NPHP4: variants seen among roughly 807,000 people sequenced by gnomAD.
The protein encoded by NPHP4 is nephrocystin-4.
A neutral mutation model predicts 155.8 loss-of-function variants in NPHP4; 151 were observed. That is an observed-to-expected ratio of 0.97 (90% CI 0.85 to 1.11). NPHP4 has a LOEUF of 1.11. NPHP4 is among the 50% of genes least tolerant of loss of function. NPHP4 has a pLI of 0.00. For missense variants in NPHP4, 1,956 were observed against 1,925.7 expected, an observed-to-expected ratio of 1.02 and a Z score of -0.29; for synonymous variants, 845 against 816.8, an observed-to-expected ratio of 1.03 and a Z score of -0.59.
At chr1:5,987,114 T>TG (rs1557898276) in intron 1 of NPHP4, among the ~76,000 whole-genome samples, 3 of 151,992 alleles carry the variant, frequency 2.0e-5, no homozygotes, top group Non-Finnish European at 4.4e-5. Context: ...TTCAGCTACA[T>TG]GAACAAAGTC....
chr1:5,920,301 TCCTCCCACCTCAG>T (rs1645677706), intron 11 of NPHP4, among the ~76,000 whole-genome samples: 1 of 152,054 alleles, frequency 6.6e-6, no homozygotes, highest in Non-Finnish European at 1.5e-5. Flanking sequence ...CTTCAAGCCA[TCCTCCCACCTCAG>T]CCTCCCAACA....
chr1:5,863,294 C>T lies in NPHP4; in HGVS notation c.4252G>A (p.Ala1418Thr), dbSNP rs1640823340. The change falls in exon 30 of 30, where the codon GCA (alanine) becomes ACA (threonine). Residue 1418 changes from alanine to threonine, a missense_variant. Physicochemically the swap from Ala to Thr is moderately conservative, Grantham distance 58 (BLOSUM62 0). Transcript: ENST00000378156. The part of the protein sequence containing the change: ...INDHEDKNEE[A>T]FCVKVIYQ ...TGGTAGATGACCTTCACGCAAAATG[C>T]CTCTTCGTTTTTGTCCTCATGGTCA... 1 of 1,613,932 alleles carries T rather than the reference C, an allele frequency of 6.2e-7. No homozygotes were observed. The highest frequency in any genetic ancestry group is 1.3e-5 in the African/African-American group (1 of 74,940).
intron 1 of NPHP4, among the ~76,000 whole-genome samples, chr1:5,989,226 C>T (rs775856009): frequency 5.1e-4 from 77 of 152,254 alleles, no homozygotes; most frequent in Non-Finnish European, 6.5e-4. Flanking sequence ...ACAGGGAGAG[C>T]CGACTTTGGA....
At chr1:5,975,137 C>A (rs1653305400) in intron 3 of NPHP4, among the ~76,000 whole-genome samples, 2 of 152,330 alleles carry the variant, frequency 1.3e-5, no homozygotes, top group African/African-American at 4.8e-5. Context: ...AATGCCCACT[C>A]CTGGGAGCAC....
At chr1:5,920,775 T>C (rs1251182168) in intron 11 of NPHP4, among the ~76,000 whole-genome samples, 2 of 152,244 alleles carry the variant, frequency 1.3e-5, no homozygotes, top group Non-Finnish European at 2.9e-5. Flanking sequence ...AATGGTCATA[T>C]GTATTGCAAA....
chr1:5,942,332 C>T (rs983226604), intron 9 of NPHP4, among the ~76,000 whole-genome samples: 1 of 152,076 alleles, frequency 6.6e-6, no homozygotes, highest in African/African-American at 2.4e-5. Context: ...GATATCGAGA[C>T]CATCCTGGCT....
intron 17 of NPHP4, chr1:5,888,267 G>C (rs1643921378): frequency 1.1e-6 from 1 of 880,198 alleles, no homozygotes; most frequent in South Asian, 5.2e-5. Flanking sequence ...ACACTGTGAG[G>C]CATGTGGGGG....
intron 4 of NPHP4, among the ~76,000 whole-genome samples, chr1:5,967,722 C>T (rs1295066396): frequency 2.0e-5 from 3 of 152,170 alleles, no homozygotes; most frequent in Non-Finnish European, 2.9e-5. Flanking sequence ...GATTCTGCTC[C>T]CTAAGGCACA....
intron 10 of NPHP4, among the ~76,000 whole-genome samples, chr1:5,930,905 C>A (rs565208671): frequency 1.1e-4 from 17 of 152,280 alleles, no homozygotes; most frequent in African/African-American, 3.9e-4. Context: ...GTCCATTTCT[C>A]CTTTCAGTTC....
At chr1:5,909,339 C>T (rs1435741165) in intron 11 of NPHP4, 126 bp from the exon 12 acceptor site, 3 of 758,346 alleles carry the variant, frequency 4.0e-6, no homozygotes, top group African/African-American at 1.7e-5. Context: ...CAGGGGCAGC[C>T]GCTGGTTACC....
chr1:5,944,297 C>A lies in NPHP4; in HGVS notation c.1119+2807G>T, dbSNP rs1213178670. Among the ~76,000 whole-genome samples, 1 of 152,194 alleles carries A rather than the reference C, an allele frequency of 6.6e-6. No individual in the cohort carries two copies. Among genetic ancestry groups the A allele is most frequent in the Non-Finnish European group, 1.5e-5 (1 of 68,026 alleles). ...GCTGCAGCCGGAAGGCACAACCACA[C>A]CCAGCTGAAAAAATCCCCACCCAGC... On this transcript the variant is annotated intron_variant, in intron 9 of 29. Coordinates refer to ENST00000378156, the MANE Select transcript of NPHP4 (RefSeq NM_015102.5). The surrounding 1 kb of genome is among the most constrained non-coding windows in gnomAD (Gnocchi z 4.3).
At chr1:5,876,440 G>A (rs1642616322) in intron 20 of NPHP4, 1 of 152,478 alleles carries the variant, frequency 6.6e-6, no homozygotes, top group Non-Finnish European at 1.5e-5. Flanking sequence ...ACTGAGCCTA[G>A]GGAGGGACCG....
In NPHP4 at chr1:5,867,810, G is replaced by A. The variant is rs1332877775; in HGVS notation, c.3402C>T (p.Phe1134=). ...ELQPHVVDQV[F]RFYHPELSFL... ...AGGAGAGCTCCGGGTGATAGAAGCG[G>A]AAGACCTGGTCCACCACGTGGGGCT... The change falls in exon 24 of 30, where the codon TTC becomes TTT. Residue 1134 remains phenylalanine, a synonymous_variant. Coordinates refer to ENST00000378156, the MANE Select transcript of NPHP4 (RefSeq NM_015102.5). The surrounding 1 kb of genome is among the most constrained non-coding windows in gnomAD (Gnocchi z 4.1). 1.2e-6 allele frequency: 2 copies of A among 1,613,266 alleles called. No individual in the cohort carries two copies. The highest frequency in any genetic ancestry group is 1.7e-6 in the Non-Finnish European group (2 of 1,179,880).
rs1644947969 is a variant in NPHP4 at position 5,907,157 on chromosome 1, A to G, written c.1569T>C (p.Thr523=). Residue 523 remains threonine (T), a synonymous_variant, in exon 13 of 30, where the codon ACT becomes ACC. Coordinates refer to ENST00000378156, the MANE Select transcript of NPHP4 (RefSeq NM_015102.5). ...SPTQHCLARP[T]SQLPHGSQAS... ...CCTGAGAGCCATGGGGTAGCTGTGA[A>G]GTAGGCCTGGCCAAGCAGTGCTGAG... The G allele has an allele frequency of 6.3e-7, 1 of 1,586,680 alleles. No homozygotes were observed. The highest frequency in any genetic ancestry group is 1.8e-5 in the Admixed American group (1 of 56,680).
chr1:5,938,748 T>C (rs889799803), intron 9 of NPHP4, among the ~76,000 whole-genome samples: 2 of 152,244 alleles, frequency 1.3e-5, no homozygotes, highest in African/African-American at 4.8e-5. Flanking sequence ...ATCTGACTGA[T>C]TTTCAATGTG....
At chr1:5,958,672 G>A (rs938861823) in intron 6 of NPHP4, among the ~76,000 whole-genome samples, 1 of 150,084 alleles carries the variant, frequency 6.7e-6, no homozygotes, top group Non-Finnish European at 1.5e-5. Context: ...TCTTGCCTGG[G>A]CGACAGAGCA....
chr1:5,984,571 G>A (rs879908694), intron 2 of NPHP4, among the ~76,000 whole-genome samples: 1 of 152,072 alleles, frequency 6.6e-6, no homozygotes, highest in Non-Finnish European at 1.5e-5. Flanking sequence ...CGGAATACAG[G>A]AAGTACCATT....
chr1:5,909,022 C>T, intron 12 of NPHP4, 130 bp downstream of exon 12: 1 of 784,348 alleles, frequency 1.3e-6, no homozygotes, highest in Non-Finnish European at 2.2e-6. Context: ...AGCCCCGCCG[C>T]CGCCAGCAGG....
intron 5 of NPHP4, among the ~76,000 whole-genome samples, chr1:5,963,138 T>A (rs1413058853): frequency 6.6e-6 from 1 of 152,256 alleles, no homozygotes; most frequent in Admixed American, 6.5e-5. Flanking sequence ...AGGTCCGCCA[T>A]GGGGGCTCAC....
Sources: allele counts gnomAD v4.1 joint callset (sites outside exome capture counted in the v4.1 genomes callset), GRCh38; gene constraint gnomAD v4.1.1; non-coding constraint Gnocchi (gnomAD v3.1); transcripts MANE v1.5; gene names NCBI Gene and HGNC (gene_info 2026-07-23, HGNC 2026-07-21).